The following CPNE4 variants were observed in gnomAD, a reference collection of about 807,000 sequenced individuals.
CPNE4 encodes copine-4.
Under a neutral mutation model 67.9 loss-of-function variants are expected in CPNE4, and 25 were observed. The observed-to-expected ratio is 0.37, with a 90% CI of 0.27 to 0.51. The LOEUF (loss-of-function observed/expected upper bound fraction) is 0.51, where lower values mean the gene tolerates loss of function less well. Among genes scored for constraint, CPNE4 ranks in the 20% least tolerant of loss-of-function variants. The pLI is 0.93. For missense variants in CPNE4, 464 were observed against 690.8 expected, an observed-to-expected ratio of 0.67 and a Z score of 3.68; for synonymous variants, 242 against 244.9, an observed-to-expected ratio of 0.99 and a Z score of 0.11.
intron 2 of CPNE4, among the ~76,000 whole-genome samples, chr3:131,762,050 T>G (rs953655943): frequency 2.0e-5 from 3 of 152,112 alleles, no homozygotes; most frequent in Non-Finnish European, 4.4e-5. Flanking sequence ...ATGCTTATTT[T>G]ATTAAGGATC....
At chr3:131,901,775 C>T (rs985650295) in intron 2 of CPNE4, among the ~76,000 whole-genome samples, 2 of 152,006 alleles carry the variant, frequency 1.3e-5, no homozygotes, top group Non-Finnish European at 2.9e-5. Flanking sequence ...TCCCTGTCAC[C>T]CAGAGGAGTG....
intron 1 of CPNE4, among the ~76,000 whole-genome samples, chr3:132,026,724 T>C (rs1175677647): frequency 1.3e-5 from 2 of 152,226 alleles, no homozygotes; most frequent in East Asian, 1.9e-4. Flanking sequence ...AGAAGTACTA[T>C]ATCCCACTTT....
Position 131,534,985 on chromosome 3 carries a change from A to G in CPNE4, c.*210T>C. Reference sequence around the variant, plus strand: ...GTTATTGTTATCTGTGTTTCTTTGTAAAAAGTTAACAATACAAGGGCTTAA... The same window carrying G: ...GTTATTGTTATCTGTGTTTCTTTGTGAAAAGTTAACAATACAAGGGCTTAA... On this transcript the variant is annotated 3_prime_UTR_variant, in exon 16 of 16. Transcript: ENST00000429747. 2.6e-6 allele frequency: 1 copy of G among 385,472 alleles called. No individual in the cohort carries two copies. The highest frequency in any genetic ancestry group is 4.4e-5 in the Admixed American group (1 of 22,876). The allele number at this position is 385,472 out of a possible 1,614,324, so 23.9% of individuals were successfully genotyped here. A position where few individuals can be genotyped will look rare whatever the true frequency, so the allele number is the denominator to read the frequency against.
At chr3:131,641,985 TTGGACTTTG>T (rs760820304) in intron 7 of CPNE4, among the ~76,000 whole-genome samples, 8 of 152,052 alleles carry the variant, frequency 5.3e-5, no homozygotes, top group Admixed American at 3.3e-4. Context: ...GAATAATACA[TTGGACTTTG>T]GGGACTTGGG....
At chr3:131,724,548 A>G (rs1190584149) in intron 2 of CPNE4, among the ~76,000 whole-genome samples, 1 of 152,230 alleles carries the variant, frequency 6.6e-6, no homozygotes, top group Non-Finnish European at 1.5e-5. Flanking sequence ...GGTTGGAGTC[A>G]GCCAAATGGA....
intron 1 of CPNE4, among the ~76,000 whole-genome samples, chr3:131,920,076 C>T (rs991521674): frequency 6.6e-6 from 1 of 152,114 alleles, no homozygotes; most frequent in Non-Finnish European, 1.5e-5. Flanking sequence ...GATCAGGTCA[C>T]TCCGCTGCCC....
At chr3:131,972,009 G>A (rs756586157) in intron 1 of CPNE4, among the ~76,000 whole-genome samples, 19 of 152,110 alleles carry the variant, frequency 1.2e-4, no homozygotes, top group Admixed American at 3.3e-4. Context: ...GGATGAGTGG[G>A]TAAATGAGAG....
At chr3:131,550,221 T>C in intron 13 of CPNE4, 141 bp from the exon 14 acceptor site, 1 of 825,190 alleles carries the variant, frequency 1.2e-6, no homozygotes, top group Non-Finnish European at 1.8e-6. Flanking sequence ...TAAAAAGGAA[T>C]ACCACATTGC....
chr3:132,018,917 A>G (rs922078980), intron 1 of CPNE4, among the ~76,000 whole-genome samples: 2 of 152,254 alleles, frequency 1.3e-5, no homozygotes, highest in Non-Finnish European at 2.9e-5. Flanking sequence ...GCTACAGAAT[A>G]AAATGAAGCT....
intron 1 of CPNE4, among the ~76,000 whole-genome samples, chr3:131,941,878 C>G (rs7643708): frequency 0.022 from 3,278 of 152,036 alleles, 121 homozygotes; most frequent in African/African-American, 0.074. Context: ...AAACCTAATA[C>G]AGGTAAAATT....
chr3:131,650,661 C>T (rs902450250), intron 7 of CPNE4, among the ~76,000 whole-genome samples: 2 of 129,526 alleles, frequency 1.5e-5, no homozygotes, highest in Admixed American at 1.8e-4. Context: ...AGGAGAATGG[C>T]GTGAACCCGG....
intron 2 of CPNE4, among the ~76,000 whole-genome samples, chr3:131,782,595 C>T (rs1710517901): frequency 1.3e-5 from 2 of 151,858 alleles, no homozygotes; most frequent in South Asian, 4.1e-4. Flanking sequence ...GAATTAGGCA[C>T]TAGATTTAAA....
chr3:131,938,444 A>C lies in CPNE4; in HGVS notation c.-1-33000T>G, dbSNP rs1380519074. 2.6e-5 allele frequency among the ~76,000 whole-genome samples: 4 copies of C among 152,168 alleles called. No homozygotes were observed. In the East Asian group the frequency reaches 7.7e-4, roughly 29 times the overall value. On this transcript the variant is annotated intron_variant, in intron 1 of 15. Transcript: ENST00000429747. Reference sequence around the variant, plus strand: ...TTAGGGAGACTTAATATAATAAAAAATGTCTCAAACAATAATGTATTAGTG... The same window carrying C: ...TTAGGGAGACTTAATATAATAAAAACTGTCTCAAACAATAATGTATTAGTG...
At chr3:131,899,671 A>G (rs1043583010) in intron 2 of CPNE4, among the ~76,000 whole-genome samples, 1 of 152,120 alleles carries the variant, frequency 6.6e-6, no homozygotes, top group Non-Finnish European at 1.5e-5. Flanking sequence ...GATAGAATAT[A>G]CGTAAATTAA....
chr3:131,978,467 T>TA (rs1192638304), intron 1 of CPNE4, among the ~76,000 whole-genome samples: 5 of 33,652 alleles, frequency 1.5e-4, no homozygotes, highest in Admixed American at 6.8e-4. Flanking sequence ...TTTATATATA[T>TA]TTATATATTT....
chr3:131,647,287 G>T (rs918175010), intron 7 of CPNE4, among the ~76,000 whole-genome samples: 4 of 152,182 alleles, frequency 2.6e-5, no homozygotes, highest in African/African-American at 9.7e-5. Flanking sequence ...AGCCATCCCA[G>T]TAAATCTTAC....
intron 11 of CPNE4, among the ~76,000 whole-genome samples, 161 bp downstream of exon 11, chr3:131,564,055 G>A (rs1325834479): frequency 6.6e-6 from 1 of 152,022 alleles, no homozygotes; most frequent in African/African-American, 2.4e-5. Context: ...GCGTGAGCAA[G>A]GTACAAACTT....
intron 1 of CPNE4, among the ~76,000 whole-genome samples, chr3:132,019,198 T>A (rs575764949): frequency 6.6e-6 from 1 of 152,128 alleles, no homozygotes; most frequent in Non-Finnish European, 1.5e-5. Context: ...AGGAACAATA[T>A]TTACAAATAA....
intron 2 of CPNE4, among the ~76,000 whole-genome samples, chr3:131,787,959 T>C (rs970258643): frequency 1.3e-5 from 2 of 152,066 alleles, no homozygotes; most frequent in Admixed American, 6.6e-5. Context: ...TGAGTAATTA[T>C]TGAGAGAAAA....
Sources: allele counts gnomAD v4.1 joint callset (sites outside exome capture counted in the v4.1 genomes callset), GRCh38; gene constraint gnomAD v4.1.1; transcripts MANE v1.5; gene names NCBI Gene and HGNC (gene_info 2026-07-23, HGNC 2026-07-21).